Variants in SCEL observed in about 807,000 individuals in gnomAD.
The protein encoded by SCEL is sciellin.
In SCEL, 113 loss-of-function variants were observed where a neutral mutation model predicts 117.6. That is an observed-to-expected ratio of 0.96 (90% CI 0.83 to 1.12). The LOEUF (loss-of-function observed/expected upper bound fraction) is 1.12, where lower values mean the gene tolerates loss of function less well. Among genes scored for constraint, SCEL ranks in the 50% most tolerant of loss-of-function variants. The pLI is 0.00. For synonymous variants in SCEL, 270 were observed against 256.2 expected (o/e 1.05, Z -0.51); for missense variants, 785 against 810.8 (o/e 0.97, Z 0.39).
At chr13:77,577,565 G>T (rs767897198) in intron 9 of SCEL, among the ~76,000 whole-genome samples, 4 of 152,094 alleles carry the variant, frequency 2.6e-5, no homozygotes, top group Non-Finnish European at 5.9e-5. Flanking sequence ...ATTTGGGTGC[G>T]GACACAGAGG....
chr13:77,572,086 T>C (rs771662130), intron 8 of SCEL, 38 bp from the exon 9 acceptor site: 3 of 1,570,954 alleles, frequency 1.9e-6, no homozygotes, highest in South Asian at 2.2e-5. Flanking sequence ...GATCAGCCTT[T>C]CAATCACAAT....
chr13:77,617,870 T>G lies in SCEL; in HGVS notation c.1571+8T>G. The G allele has an allele frequency of 6.2e-7, 1 of 1,603,936 alleles. No individual in the cohort carries two copies. The highest frequency in any genetic ancestry group is 1.3e-5 in the African/African-American group (1 of 74,766). ...AATCAGAAACAATCAGAGGTATATA[T>G]AGAAGCAGTCAATTCATGTTTTTAT... On this transcript the variant is annotated splice_region_variant and intron_variant, in intron 26 of 32. Transcript: ENST00000349847.
intron 32 of SCEL, 135 bp from the exon 33 acceptor site, chr13:77,644,123 G>A: frequency 2.2e-6 from 2 of 901,544 alleles, no homozygotes; most frequent in South Asian, 1.5e-5. Context: ...AAGCCACAGC[G>A]ATTATTTCAG....
intron 4 of SCEL, among the ~76,000 whole-genome samples, chr13:77,561,090 T>C (rs1438136595): frequency 6.6e-6 from 1 of 152,206 alleles, no homozygotes; most frequent in African/African-American, 2.4e-5. Flanking sequence ...CGAGGCCCTG[T>C]CCTTAGTCTT....
At chr13:77,573,151 A>C (rs1159994859) in intron 9 of SCEL, among the ~76,000 whole-genome samples, 1 of 152,244 alleles carries the variant, frequency 6.6e-6, no homozygotes, top group Non-Finnish European at 1.5e-5. Flanking sequence ...AATTCAATGT[A>C]ATAAATATTT....
chr13:77,542,197 T>TA (rs1364500210), intron 1 of SCEL, among the ~76,000 whole-genome samples: 1 of 152,140 alleles, frequency 6.6e-6, no homozygotes, highest in Non-Finnish European at 1.5e-5. Context: ...GGTCAGGAGT[T>TA]AGAGACCAGC....
intron 1 of SCEL, among the ~76,000 whole-genome samples, chr13:77,552,218 G>A (rs2084373829): frequency 6.7e-6 from 1 of 149,554 alleles, no homozygotes; most frequent in East Asian, 2.0e-4. Flanking sequence ...CCAGTAATGG[G>A]ATGGCTGGGT....
At chr13:77,555,987 A>G (rs552338713) in intron 2 of SCEL, 69 bp downstream of exon 2, 9 of 1,121,558 alleles carry the variant, frequency 8.0e-6, no homozygotes, top group East Asian at 2.4e-5. Flanking sequence ...ACAGATCTCA[A>G]TTCTTTAATA....
intron 1 of SCEL, 57 bp from the exon 2 acceptor site, chr13:77,555,800 A>T: frequency 9.0e-7 from 1 of 1,109,034 alleles, no homozygotes; most frequent in Admixed American, 1.7e-5. Flanking sequence ...TGAAACAGTC[A>T]CTTACAGGTT....
chr13:77,600,873 A>G (rs2087624804), intron 15 of SCEL, among the ~76,000 whole-genome samples: 1 of 152,188 alleles, frequency 6.6e-6, no homozygotes, highest in Non-Finnish European at 1.5e-5. Context: ...AGTTATTTTT[A>G]AAAACCATTT....
chr13:77,636,491 AGAT>A lies in SCEL; in HGVS notation c.1764-628_1764-626del, dbSNP rs2090284172. Among the ~76,000 whole-genome samples the A allele has an allele frequency of 2.0e-5, 3 of 152,324 alleles. No homozygotes were observed. The South Asian group carries it at 6.2e-4, about 32-fold the overall frequency. On this transcript the variant is annotated intron_variant, in intron 29 of 32. Transcript: ENST00000349847. Reference sequence around the variant, plus strand: ...TTGCTCCTATTCTTAATATATGCCCAGATAGCATAAGTACTTGGAAAGCAATTA... The same window carrying A: ...TTGCTCCTATTCTTAATATATGCCCAAGCATAAGTACTTGGAAAGCAATTA...
Position 77,613,050 on chromosome 13 carries a change from A to T in SCEL, c.1388+109A>T, listed in dbSNP as rs1322650708. ...ATTTTGAAAGGGGACATGAAAAAAAATGAGAACAAGTTGATGTGTAATAAT... is the reference window on the plus strand; with the variant it reads ...ATTTTGAAAGGGGACATGAAAAAAATTGAGAACAAGTTGATGTGTAATAAT... On this transcript the variant is annotated intron_variant, in intron 23 of 32. Transcript: ENST00000349847. The T allele has an allele frequency of 7.6e-6, 5 of 655,354 alleles. No homozygotes were observed. In the Admixed American group the frequency reaches 1.4e-4, roughly 18 times the overall value. The allele number at this position is 655,354 out of a possible 1,614,324, so 40.6% of individuals were successfully genotyped here.
At chr13:77,546,520 A>C (rs907219957) in intron 1 of SCEL, among the ~76,000 whole-genome samples, 10 of 152,204 alleles carry the variant, frequency 6.6e-5, no homozygotes, top group African/African-American at 2.4e-4. Context: ...GTAGGGGCTT[A>C]ACAAGTGATC....
At chr13:77,644,167 A>C (rs537313544) in intron 32 of SCEL, 91 bp from the exon 33 acceptor site, 2 of 1,360,286 alleles carry the variant, frequency 1.5e-6, no homozygotes, top group East Asian at 2.3e-5. Context: ...TTAATCTACC[A>C]CTACCCGTTG....
intron 1 of SCEL, among the ~76,000 whole-genome samples, chr13:77,553,933 C>T (rs923839415): frequency 1.3e-5 from 2 of 152,090 alleles, no homozygotes; most frequent in Non-Finnish European, 2.9e-5. Flanking sequence ...TCTAACTCCA[C>T]TAAGATCTTC....
chr13:77,626,828 A>G (rs565619973), intron 27 of SCEL, among the ~76,000 whole-genome samples: 3 of 152,290 alleles, frequency 2.0e-5, no homozygotes, highest in South Asian at 4.1e-4. Flanking sequence ...AATAAGCAAA[A>G]TAAAGTTTAG....
chr13:77,579,403 T>A (rs967232315), intron 9 of SCEL, among the ~76,000 whole-genome samples: 2 of 152,248 alleles, frequency 1.3e-5, no homozygotes, highest in Admixed American at 6.5e-5. Flanking sequence ...TAATATCTAC[T>A]AGACAATGAA....
chr13:77,571,645 C>T (rs985594919), intron 8 of SCEL, among the ~76,000 whole-genome samples: 18 of 151,436 alleles, frequency 1.2e-4, no homozygotes, highest in African/African-American at 4.4e-4. Flanking sequence ...GCGGAGATCG[C>T]GCCATTACAC....
chr13:77,571,440 G>C (rs988461291), intron 8 of SCEL, among the ~76,000 whole-genome samples: 14 of 150,958 alleles, frequency 9.3e-5, no homozygotes, highest in Non-Finnish European at 1.6e-4. Context: ...TGTAATCCCA[G>C]CACTTTCAGA....
Sources: gnomAD v4.1 joint callset for allele counts (sites outside exome capture counted in the v4.1 genomes callset) on GRCh38, gnomAD v4.1.1 for gene constraint, MANE v1.5 for transcripts, NCBI Gene and HGNC (gene_info 2026-07-23, HGNC 2026-07-21) for gene names.